The following ENTPD4 variants were observed in gnomAD, a reference collection of about 807,000 sequenced individuals.
ENTPD4 encodes Golgi UDPase.
A neutral mutation model predicts 79.1 loss-of-function variants in ENTPD4; 60 were observed. That is an observed-to-expected ratio of 0.76 (90% CI 0.62 to 0.94). ENTPD4 has a LOEUF of 0.94. Ranked by LOEUF, ENTPD4 falls within the 40% of genes least tolerant of loss-of-function variation. The pLI, the probability that ENTPD4 is intolerant of heterozygous loss-of-function variation, is 0.00. For synonymous variants in ENTPD4, 276 were observed against 292.0 expected, an observed-to-expected ratio of 0.95 and a Z score of 0.56; for missense variants, 772 against 775.1, an observed-to-expected ratio of 1.00 and a Z score of 0.05.
At chr8:23,436,697 T>C (rs1800567407) in intron 10 of ENTPD4, among the ~76,000 whole-genome samples, 1 of 152,180 alleles carries the variant, frequency 6.6e-6, no homozygotes, top group Non-Finnish European at 1.5e-5. Flanking sequence ...AATTTGGAGC[T>C]AACTGATGAC....
intron 1 of ENTPD4, among the ~76,000 whole-genome samples, chr8:23,451,022 C>CTTTTTTTTTTTTT (rs34914268): frequency 7.9e-6 from 1 of 126,916 alleles, no homozygotes; most frequent in African/African-American, 3.1e-5. Context: ...TTTTTCTTTT[C>CTTTTTTTTTTTTT]TTTTTTTTTT....
At chr8:23,440,243 C>T (rs1324420696) in intron 8 of ENTPD4, among the ~76,000 whole-genome samples, 1 of 152,142 alleles carries the variant, frequency 6.6e-6, no homozygotes. Context: ...CAAAGATGTC[C>T]TTTGTCATTC....
Position 23,434,148 on chromosome 8 carries a change from A to G in ENTPD4, c.1622+169T>C, listed in dbSNP as rs1222477708. The G allele has an allele frequency of 2.0e-5, 15 of 756,642 alleles. No homozygotes were observed. In the South Asian group the frequency reaches 2.7e-4, roughly 13 times the overall value. 46.9% of individuals were successfully genotyped at this position (756,642 alleles called of 1,614,324 possible). ...ATGGTAGGGTGAGAAGGGAGGAAGC[A>G]CTTGTGGGGAGGGGGCAAGACCAAA... On this transcript the variant is annotated intron_variant, in intron 12 of 12. Transcript: ENST00000358689.
chr8:23,456,299 G>A (rs1286661054), intron 1 of ENTPD4, among the ~76,000 whole-genome samples: 4 of 151,994 alleles, frequency 2.6e-5, no homozygotes, highest in Admixed American at 6.5e-5. Flanking sequence ...CACTTCCTCC[G>A]AGCCACCACC....
intron 9 of ENTPD4, among the ~76,000 whole-genome samples, chr8:23,439,325 C>T (rs1007985024): frequency 3.8e-4 from 58 of 152,200 alleles, no homozygotes; most frequent in African/African-American, 1.4e-3. Context: ...GCTTCATCCA[C>T]AGAGTCTCCA....
At chr8:23,444,102 G>T in intron 5 of ENTPD4, 149 bp from the exon 6 acceptor site, 1 of 562,218 alleles carries the variant, frequency 1.8e-6, no homozygotes, top group South Asian at 2.9e-5. Flanking sequence ...AAAGAAATTC[G>T]TTGGAAAGAT....
chr8:23,441,082 A>G (rs995616339), intron 8 of ENTPD4, among the ~76,000 whole-genome samples: 5 of 152,252 alleles, frequency 3.3e-5, no homozygotes, highest in Admixed American at 2.6e-4. Context: ...CTGCCCAGGC[A>G]GCAACTGAGA....
chr8:23,437,238 C>T lies in ENTPD4; in HGVS notation c.1070G>A (p.Gly357Asp), dbSNP rs754704722. The change falls in exon 10 of 13, where the codon GGT (glycine) becomes GAT (aspartate). Residue 357 changes from glycine to aspartate, a missense_variant. Coordinates refer to ENST00000358689, the MANE Select transcript of ENTPD4 (RefSeq NM_004901.5). ...CAAGTACGGCATATCAGGAGTCAGA[C>T]CAGTCTGTTTACCCAGGAGCCTATG... ...QKNRLLGKQT[G>D]LTPDMPYLDP... 6.2e-7 allele frequency: 1 copy of T among 1,609,322 alleles called. No individual in the cohort carries two copies. The highest frequency in any genetic ancestry group is 2.2e-5 in the East Asian group (1 of 44,824).
At position 23,447,736 on chromosome 8, in the gene ENTPD4, T is replaced by C. The variant is rs752453258; in HGVS notation, c.356A>G (p.Asp119Gly). The change falls in exon 4 of 13, where the codon GAT (aspartate) becomes GGT (glycine). Residue 119 changes from aspartate (D) to glycine (G), a missense_variant. Asp to Gly is a moderately conservative substitution (Grantham distance 94, BLOSUM62 -1). Transcript: ENST00000358689. ...RHNGNPHDLL[D>G]IRQMRDKNRK... ...GTTTTTATCCCTCATTTGCCTGATA[T>C]CCAACAGATCATGTGGATTGCCATT... 6.2e-7 allele frequency: 1 copy of C among 1,614,194 alleles called. No homozygotes were observed. Among genetic ancestry groups the C allele is most frequent in the Admixed American group, 1.7e-5 (1 of 60,016 alleles).
At chr8:23,436,781 C>G (rs1487026742) in intron 10 of ENTPD4, among the ~76,000 whole-genome samples, 153 bp downstream of exon 10, 1 of 150,516 alleles carries the variant, frequency 6.6e-6, no homozygotes, top group Non-Finnish European at 1.5e-5. Flanking sequence ...TATTCAACCT[C>G]CCTCCAAGCA....
chr8:23,452,975 TC>T (rs1230177534), intron 1 of ENTPD4, among the ~76,000 whole-genome samples: 2 of 152,128 alleles, frequency 1.3e-5, no homozygotes, highest in African/African-American at 4.8e-5. Context: ...TTCTTCTGTT[TC>T]CCCCGTGACC....
intron 1 of ENTPD4, among the ~76,000 whole-genome samples, chr8:23,454,519 T>C (rs1800919455): frequency 6.6e-6 from 1 of 152,150 alleles, no homozygotes; most frequent in South Asian, 2.1e-4. Flanking sequence ...CAATGTTAAA[T>C]TACTGGGATT....
rs1800470861 is a variant in ENTPD4, at chr8:23,432,431, ACTC to A, written c.*492_*494del. On this transcript the variant is annotated 3_prime_UTR_variant, in exon 13 of 13. Coordinates refer to ENST00000358689, the MANE Select transcript of ENTPD4 (RefSeq NM_004901.5). ...AATCAAGTGAATTTCCCTCTTCCCC[ACTC>A]CTCAATTTAATGCTGTACTCAAAAT... The A allele has an allele frequency of 1.0e-6, 1 of 984,578 alleles. No individual in the cohort carries two copies. Among genetic ancestry groups the A allele is most frequent in the South Asian group, 4.7e-5 (1 of 21,284 alleles). The allele number at this position is 984,578 out of a possible 1,614,324, so 61.0% of individuals were successfully genotyped here.
chr8:23,443,706 G>C (rs1402854605), intron 6 of ENTPD4, 144 bp downstream of exon 6: 1 of 562,256 alleles, frequency 1.8e-6, no homozygotes, highest in Non-Finnish European at 3.2e-6. Context: ...AACTGATTTA[G>C]TAATTTAAAA....
Position 23,449,896 on chromosome 8 carries a change from C to G in ENTPD4, c.5G>C (p.Gly2Ala), listed in dbSNP as rs771763250. ...GGTGATTAGGCCCATCACTTACCTCCCCATACTGAAAGGTCAGCAACAAGG... is the reference window on the plus strand; with the variant it reads ...GGTGATTAGGCCCATCACTTACCTCGCCATACTGAAAGGTCAGCAACAAGG... M[G>A]RIGISCLFPA... Residue 2 changes from glycine (G) to alanine (A), a missense_variant, in exon 2 of 13, where the codon GGG becomes GCG. Physicochemically the swap from Gly to Ala is moderately conservative, Grantham distance 60. Coordinates refer to ENST00000358689, the MANE Select transcript of ENTPD4 (RefSeq NM_004901.5). The G allele has an allele frequency of 3.1e-6, 5 of 1,613,332 alleles. No homozygotes were observed. The highest frequency in any genetic ancestry group is 4.2e-6 in the Non-Finnish European group (5 of 1,179,280).
At chr8:23,455,028 A>C (rs1306408422) in intron 1 of ENTPD4, among the ~76,000 whole-genome samples, 1 of 152,224 alleles carries the variant, frequency 6.6e-6, no homozygotes, top group Non-Finnish European at 1.5e-5. Flanking sequence ...CACCAGAGAG[A>C]TGCATTAATT....
intron 10 of ENTPD4, among the ~76,000 whole-genome samples, chr8:23,436,114 G>C (rs1800554378): frequency 6.6e-6 from 1 of 152,172 alleles, no homozygotes; most frequent in Non-Finnish European, 1.5e-5. Flanking sequence ...AACGGGCTCG[G>C]CATAGGCACT....
chr8:23,441,916 T>A, intron 7 of ENTPD4, 91 bp downstream of exon 7: 1 of 1,243,058 alleles, frequency 8.0e-7, no homozygotes, highest in Non-Finnish European at 1.2e-6. Context: ...CTTAGGAGTG[T>A]CACAAAGCTT....
rs771584477 is a variant in ENTPD4, at chr8:23,437,020, C to T, written c.1288G>A (p.Gly430Ser). 7.4e-6 allele frequency: 12 copies of T among 1,614,156 alleles called. No homozygotes were observed. In the Admixed American group the frequency reaches 1.7e-4, roughly 22 times the overall value. ...GTGCAGTAGTAGAATTCGGAGAAGC[C>T]ATAGAATTCACTGTTCTGGAAGTGA... ...PIHFQNSEFY[G>S]FSEFYYCTED... Residue 430 changes from glycine to serine, a missense_variant, in exon 10 of 13, where the codon GGC becomes AGC. Physicochemically the swap from Gly to Ser is moderately conservative, Grantham distance 56 (BLOSUM62 0). Transcript: ENST00000358689.
Sources: gnomAD v4.1 joint callset for allele counts (sites outside exome capture counted in the v4.1 genomes callset) on GRCh38, gnomAD v4.1.1 for gene constraint, MANE v1.5 for transcripts, NCBI Gene and HGNC (gene_info 2026-07-23, HGNC 2026-07-21) for gene names.